LARP1B: variants seen among roughly 807,000 people sequenced by gnomAD.
LARP1B encodes the protein la-related protein 1B.
LARP1B carries 76 observed loss-of-function variants against 114.2 expected under a neutral mutation model. The ratio of observed to expected loss-of-function variants is 0.67; its 90% CI spans 0.55 to 0.81. The LOEUF (loss-of-function observed/expected upper bound fraction) is 0.81, where lower values mean the gene tolerates loss of function less well. Ranked by LOEUF, LARP1B falls within the 30% of genes least tolerant of loss-of-function variation. The pLI is 0.00. For synonymous variants in LARP1B, 345 were observed against 348.0 expected (o/e 0.99, Z 0.10); for missense variants, 1,014 against 1,075.8 (o/e 0.94, Z 0.80).
In LARP1B at chr4:128,209,915, T is replaced by TA. The variant is rs1467104817; in HGVS notation, c.2609dup (p.Asn870LysfsTer4). 1.6e-5 allele frequency: 26 copies of TA among 1,613,626 alleles called. No individual in the cohort carries two copies. Among genetic ancestry groups the TA allele is most frequent in the Non-Finnish European group, 2.1e-5 (25 of 1,179,870 alleles). The stretch of plus-strand genomic sequence containing the variant: ...ATTCCTCTACTTCTGGTGAGGAGAG[T>TA]AATCGTCATAGACTTCCACCTAATT... On this transcript the variant is annotated frameshift_variant, in exon 20 of 20. Transcript: ENST00000326639. LOFTEE classifies it low-confidence loss of function (END_TRUNC).
At chr4:128,107,805 T>C (rs1782619200) in intron 9 of LARP1B, 2 of 1,531,396 alleles carry the variant, frequency 1.3e-6, no homozygotes, top group Non-Finnish European at 1.7e-6. Flanking sequence ...CCAAAAGATT[T>C]AATGTTAATA....
intron 1 of LARP1B, among the ~76,000 whole-genome samples, chr4:128,065,025 G>T (rs1430980867): frequency 1.3e-5 from 2 of 152,030 alleles, no homozygotes; most frequent in Non-Finnish European, 2.9e-5. Context: ...TTAAGCTATT[G>T]GTGCCTTCAT....
intron 6 of LARP1B, among the ~76,000 whole-genome samples, chr4:128,218,713 C>G (rs1353266225): frequency 1.4e-4 from 12 of 86,144 alleles, no homozygotes; most frequent in African/African-American, 5.0e-4. Context: ...CTAGGCATTA[C>G]CATTCAGGAC....
intron 19 of LARP1B, among the ~76,000 whole-genome samples, chr4:128,209,282 G>A (rs185396783): frequency 2.0e-5 from 3 of 152,264 alleles, no homozygotes; most frequent in Admixed American, 2.0e-4. Context: ...TTAACTGGGT[G>A]TGGTGGCTTG....
At chr4:128,112,705 C>T (rs1186531817) in intron 9 of LARP1B, among the ~76,000 whole-genome samples, 1 of 151,668 alleles carries the variant, frequency 6.6e-6, no homozygotes, top group African/African-American at 2.4e-5. Flanking sequence ...AACTCCTGAC[C>T]TTAGGTGATC....
intron 5 of LARP1B, among the ~76,000 whole-genome samples, chr4:128,086,249 C>T (rs1192863260): frequency 6.6e-6 from 1 of 152,106 alleles, no homozygotes; most frequent in Non-Finnish European, 1.5e-5. Flanking sequence ...TCATGATCCA[C>T]CCTCTTTGGC....
At chr4:128,200,865 A>G (rs73848745) in intron 17 of LARP1B, among the ~76,000 whole-genome samples, 200 bp downstream of exon 17, 1,752 of 152,272 alleles carry the variant, frequency 0.012, 34 homozygotes, top group African/African-American at 0.039. Context: ...CTGCATTGCA[A>G]ATTACCCCAA....
intron 10 of LARP1B, among the ~76,000 whole-genome samples, chr4:128,119,776 A>G (rs1004590828): frequency 1.3e-5 from 2 of 152,192 alleles, no homozygotes; most frequent in Non-Finnish European, 2.9e-5. Flanking sequence ...CGAAAGTCAT[A>G]AAAGTCTTTG....
At chr4:128,131,799 C>T (rs1791656866) in intron 11 of LARP1B, among the ~76,000 whole-genome samples, 2 of 152,124 alleles carry the variant, frequency 1.3e-5, no homozygotes, top group Non-Finnish European at 2.9e-5. Context: ...GGCCAATAAG[C>T]ACTTGAAAAG....
intron 11 of LARP1B, among the ~76,000 whole-genome samples, chr4:128,157,725 A>G (rs970704834): frequency 2.6e-5 from 4 of 152,192 alleles, no homozygotes; most frequent in African/African-American, 7.2e-5. Flanking sequence ...TAAACAAATA[A>G]GTGAATTGTA....
intron 10 of LARP1B, among the ~76,000 whole-genome samples, chr4:128,118,654 G>C (rs1786847038): frequency 6.6e-6 from 1 of 151,848 alleles, no homozygotes; most frequent in African/African-American, 2.4e-5. Flanking sequence ...GGACCTCCTT[G>C]ATAGATCATC....
At chr4:128,202,807 C>T (rs1756382486) in intron 17 of LARP1B, among the ~76,000 whole-genome samples, 1 of 152,182 alleles carries the variant, frequency 6.6e-6, no homozygotes, top group Non-Finnish European at 1.5e-5. Context: ...TGGTTAAGCA[C>T]CTGAAGTCCT....
intron 11 of LARP1B, chr4:128,155,300 C>G (rs1041174053): frequency 1.2e-5 from 6 of 497,794 alleles, no homozygotes; most frequent in Non-Finnish European, 2.2e-5. Flanking sequence ...CAGTAGAGGG[C>G]CAAGACAGTA....
intron 11 of LARP1B, among the ~76,000 whole-genome samples, chr4:128,130,012 T>A (rs1390923716): frequency 6.6e-6 from 1 of 152,198 alleles, no homozygotes; most frequent in Non-Finnish European, 1.5e-5. Context: ...AAGCTAGAAT[T>A]CTTTAAAATT....
chr4:128,114,471 GA>G, intron 9 of LARP1B, 98 bp from the exon 10 acceptor site: 4 of 878,264 alleles, frequency 4.6e-6, no homozygotes, highest in Non-Finnish European at 7.1e-6. Context: ...ATGTTTTTGT[GA>G]AAAAATATCA....
At chr4:128,183,427 T>C (rs916696822) in intron 15 of LARP1B, among the ~76,000 whole-genome samples, 3 of 152,256 alleles carry the variant, frequency 2.0e-5, no homozygotes, top group Non-Finnish European at 2.9e-5. Flanking sequence ...CAACAAAGTC[T>C]ATGTGACAGC....
At chr4:128,183,276 GT>G (rs1255187834) in intron 15 of LARP1B, among the ~76,000 whole-genome samples, 1 of 152,222 alleles carries the variant, frequency 6.6e-6, no homozygotes, top group Non-Finnish European at 1.5e-5. Flanking sequence ...AGCAGTCAAT[GT>G]TTGGCTTCAG....
At chr4:128,177,912 C>T (rs1746900494) in intron 13 of LARP1B, among the ~76,000 whole-genome samples, 1 of 151,932 alleles carries the variant, frequency 6.6e-6, no homozygotes, top group Admixed American at 6.6e-5. Context: ...TTTGAAATAA[C>T]ATAAATGTCT....
At chr4:128,088,866 G>C (rs1256472404) in intron 5 of LARP1B, among the ~76,000 whole-genome samples, 1 of 152,086 alleles carries the variant, frequency 6.6e-6, no homozygotes, top group East Asian at 1.9e-4. Flanking sequence ...TTTGGGAGCG[G>C]GAGGTGGCTT....
Sources: allele counts gnomAD v4.1 joint callset (sites outside exome capture counted in the v4.1 genomes callset), GRCh38; gene constraint gnomAD v4.1.1; transcripts MANE v1.5; gene names NCBI Gene and HGNC (gene_info 2026-07-23, HGNC 2026-07-21).